GABRG3: variants seen among roughly 807,000 people sequenced by gnomAD.
The protein encoded by GABRG3 is gamma-aminobutyric acid receptor subunit gamma-3.
Under a neutral mutation model 48.8 loss-of-function variants are expected in GABRG3, and 25 were observed. The ratio of observed to expected loss-of-function variants is 0.51; its 90% CI spans 0.37 to 0.72. GABRG3 has a LOEUF of 0.72. GABRG3 is among the 30% of genes least tolerant of loss of function. The probability of loss-of-function intolerance (pLI) is 0.00; values close to 1 mark genes in which losing one functional copy is unlikely to be tolerated. For missense variants in GABRG3, 394 were observed against 577.9 expected, an observed-to-expected ratio of 0.68 and a Z score of 3.26; for synonymous variants, 227 against 217.6, an observed-to-expected ratio of 1.04 and a Z score of -0.38.
intron 5 of GABRG3, among the ~76,000 whole-genome samples, chr15:27,351,085 AGTGTGTGTATGGT>A (rs1049278863): frequency 7.1e-4 from 91 of 127,378 alleles, no homozygotes; most frequent in Admixed American, 2.0e-3. Flanking sequence ...GTGTGTGTAT[AGTGTGTGTATGGT>A]GTGTGTGTAT....
At chr15:27,516,567 A>G (rs1031305450) in intron 6 of GABRG3, among the ~76,000 whole-genome samples, 2 of 152,152 alleles carry the variant, frequency 1.3e-5, no homozygotes, top group Non-Finnish European at 2.9e-5. Context: ...ATCTAATCTA[A>G]GCCAATACAA....
At chr15:27,235,264 C>T (rs1052738933) in intron 3 of GABRG3, among the ~76,000 whole-genome samples, 5 of 152,176 alleles carry the variant, frequency 3.3e-5, no homozygotes, top group Non-Finnish European at 4.4e-5. Flanking sequence ...CCTATCCCTG[C>T]ACAGAAGATG....
In GABRG3 at chr15:27,248,966, G is replaced by A. The variant is rs1010488455; in HGVS notation, c.271-77843G>A. Among the ~76,000 whole-genome samples, 6 of 152,124 alleles carry A rather than the reference G, an allele frequency of 3.9e-5. No homozygotes were observed. In the East Asian group the frequency reaches 9.7e-4, roughly 24 times the overall value. On this transcript the variant is annotated intron_variant, in intron 3 of 9. Coordinates refer to ENST00000615808, the MANE Select transcript of GABRG3 (RefSeq NM_033223.5). ...ACTGGCCCCGGAGGCTGAGGACCCC[G>A]AGACAGGCCCTGCCCTGGGCGGATG...
At chr15:27,094,405 T>C (rs1216470642) in intron 3 of GABRG3, among the ~76,000 whole-genome samples, 1 of 152,168 alleles carries the variant, frequency 6.6e-6, no homozygotes, top group African/African-American at 2.4e-5. Context: ...TGCCTCCATA[T>C]TTGCAGTGTA....
chr15:27,052,291 G>C (rs868144376), intron 3 of GABRG3, among the ~76,000 whole-genome samples: 21 of 152,122 alleles, frequency 1.4e-4, no homozygotes, highest in South Asian at 4.1e-4. Flanking sequence ...GATCACCTTG[G>C]GGGGGTGCTG....
intron 6 of GABRG3, among the ~76,000 whole-genome samples, chr15:27,515,579 T>G (rs896762188): frequency 6.6e-6 from 1 of 152,012 alleles, no homozygotes; most frequent in African/African-American, 2.4e-5. Context: ...CCAGGCTGGA[T>G]GTATCTGTAA....
At chr15:27,255,593 CT>C (rs11372328) in intron 3 of GABRG3, among the ~76,000 whole-genome samples, 1 of 151,462 alleles carries the variant, frequency 6.6e-6, no homozygotes, top group African/African-American at 2.4e-5. Flanking sequence ...TTCATCTTTC[CT>C]TTTTTTTTGG....
rs1566768691 is a variant in GABRG3 at position 27,306,653 on chromosome 15, TATATGA to T, written c.271-20154_271-20149del. Among the ~76,000 whole-genome samples the T allele has an allele frequency of 5.6e-3, 345 of 61,114 alleles. 7 individuals carry two copies. Among genetic ancestry groups the T allele is most frequent in the Admixed American group, 9.7e-3 (62 of 6,396 alleles). 40.1% of individuals were successfully genotyped at this position (61,114 alleles called of 152,430 possible). A position where few individuals can be genotyped will look rare whatever the true frequency, so the allele number is the denominator to read the frequency against. On this transcript the variant is annotated intron_variant, in intron 3 of 9. Coordinates refer to ENST00000615808, the MANE Select transcript of GABRG3 (RefSeq NM_033223.5). ...AAACATATATTTATATATAAACATA[TATATGA>T]ACATGTTTATATATAAACATATATA...
intron 3 of GABRG3, among the ~76,000 whole-genome samples, chr15:27,099,859 C>T (rs1013870803): frequency 5.3e-5 from 8 of 152,176 alleles, no homozygotes; most frequent in African/African-American, 1.7e-4. Flanking sequence ...ATTCTACAGC[C>T]ACTAAAGGGA....
chr15:27,465,131 G>A (rs1017989219), intron 5 of GABRG3, among the ~76,000 whole-genome samples: 2 of 152,202 alleles, frequency 1.3e-5, no homozygotes, highest in African/African-American at 4.8e-5. Flanking sequence ...TGAAGCTGCT[G>A]CCTCTCTCAG....
intron 5 of GABRG3, among the ~76,000 whole-genome samples, chr15:27,355,235 C>A (rs1415481969): frequency 6.6e-6 from 1 of 152,038 alleles, no homozygotes; most frequent in Admixed American, 6.6e-5. Flanking sequence ...AATGAACAGA[C>A]CATGGAAAGA....
intron 3 of GABRG3, among the ~76,000 whole-genome samples, chr15:27,114,655 C>G (rs1382605286): frequency 6.6e-6 from 1 of 152,170 alleles, no homozygotes; most frequent in Non-Finnish European, 1.5e-5. Flanking sequence ...ATTAAACATC[C>G]TGCTGTGTTT....
intron 6 of GABRG3, among the ~76,000 whole-genome samples, chr15:27,489,840 T>C (rs1187376373): frequency 6.6e-6 from 1 of 152,230 alleles, no homozygotes; most frequent in Non-Finnish European, 1.5e-5. Context: ...ATTCTGATGA[T>C]AGTTTCTTTT....
chr15:27,266,534 C>G lies in GABRG3; in HGVS notation c.271-60275C>G, dbSNP rs550040967. On this transcript the variant is annotated intron_variant, in intron 3 of 9. Transcript: ENST00000615808. ...TTGACTGTTTTAGGTGCTTTGCATTCCTACAAAAATTTTAGAAATAGCCTG... is the reference window on the plus strand; with the variant it reads ...TTGACTGTTTTAGGTGCTTTGCATTGCTACAAAAATTTTAGAAATAGCCTG... Among the ~76,000 whole-genome samples, 6 of 152,224 alleles carry G rather than the reference C, an allele frequency of 3.9e-5. No individual in the cohort carries two copies. In the East Asian group the frequency reaches 1.2e-3, roughly 29 times the overall value.
intron 2 of GABRG3, among the ~76,000 whole-genome samples, chr15:26,996,621 C>CTTGCTTATTTATTTAT (rs1555396963): frequency 2.0e-5 from 3 of 149,812 alleles, no homozygotes; most frequent in African/African-American, 7.3e-5. Context: ...TATATACTGG[C>CTTGCTTATTTATTTAT]TTATTTATTT....
rs28399526 is a variant in GABRG3 at position 26,977,087 on chromosome 15, G to A, written c.139G>A (p.Val47Met). ...GGCTCCAAAATCCCAAGACACCGAC[G>A]TGACTCTTATTCTCAACAAGTTGCT... Reference protein sequence around the residue: ...VLAPKSQDTDVTLILNKLLRE... With the variant: ...VLAPKSQDTDMTLILNKLLRE... The change falls in exon 2 of 10, where the codon GTG (valine) becomes ATG (methionine). Residue 47 changes from valine to methionine, a missense_variant. Val to Met is a conservative substitution (Grantham distance 21, BLOSUM62 1). Coordinates refer to ENST00000615808, the MANE Select transcript of GABRG3 (RefSeq NM_033223.5). 3,149 of 1,613,950 alleles carry A rather than the reference G, an allele frequency of 2.0e-3. 6 individuals carry two copies. Among genetic ancestry groups the A allele is most frequent in the Non-Finnish European group, 2.2e-3 (2,539 of 1,179,840 alleles).
At chr15:27,529,655 C>T (rs747644427) in intron 9 of GABRG3, among the ~76,000 whole-genome samples, 6 of 151,990 alleles carry the variant, frequency 3.9e-5, no homozygotes, top group South Asian at 2.1e-4. Flanking sequence ...GTTACAGCTG[C>T]GGGGAGCTAC....
chr15:27,095,921 G>A (rs1315261301), intron 3 of GABRG3, among the ~76,000 whole-genome samples: 2 of 152,144 alleles, frequency 1.3e-5, no homozygotes, highest in Admixed American at 6.5e-5. Flanking sequence ...CCCAGGACCC[G>A]CCTTCCCTTC....
intron 3 of GABRG3, among the ~76,000 whole-genome samples, chr15:27,118,981 C>T (rs1897687496): frequency 6.6e-6 from 1 of 152,164 alleles, no homozygotes; most frequent in Admixed American, 6.5e-5. Context: ...AAAGGTCACT[C>T]ACAGACATTC....
Sources: allele counts gnomAD v4.1 joint callset (sites outside exome capture counted in the v4.1 genomes callset), GRCh38; gene constraint gnomAD v4.1.1; transcripts MANE v1.5; gene names NCBI Gene and HGNC (gene_info 2026-07-23, HGNC 2026-07-21).